Variants in PRKG2 observed in about 807,000 individuals in gnomAD.
The protein encoded by PRKG2 is cGMP-dependent protein kinase 2.
In PRKG2, 33 loss-of-function variants were observed where a neutral mutation model predicts 97.2. The ratio of observed to expected loss-of-function variants is 0.34; its 90% CI spans 0.26 to 0.45. PRKG2 has a LOEUF of 0.45. Ranked by LOEUF, PRKG2 falls within the 20% of genes least tolerant of loss-of-function variation. The probability of loss-of-function intolerance (pLI) is 1.00; values close to 1 mark genes in which losing one functional copy is unlikely to be tolerated. For synonymous variants in PRKG2, 330 were observed against 321.8 expected, an observed-to-expected ratio of 1.03 and a Z score of -0.27; for missense variants, 638 against 900.0, an observed-to-expected ratio of 0.71 and a Z score of 3.73.
chr4:81,178,208 T>C (rs989027875), intron 2 of PRKG2, among the ~76,000 whole-genome samples: 4 of 151,718 alleles, frequency 2.6e-5, no homozygotes, highest in African/African-American at 7.3e-5. Flanking sequence ...AACAAAACCC[T>C]ATTTTGGTTA....
At chr4:81,172,388 T>G (rs1476078462) in intron 3 of PRKG2, among the ~76,000 whole-genome samples, 1 of 152,150 alleles carries the variant, frequency 6.6e-6, no homozygotes, top group Non-Finnish European at 1.5e-5. Context: ...TGCCTGGCTG[T>G]GTCCTGATTC....
intron 14 of PRKG2, among the ~76,000 whole-genome samples, chr4:81,132,681 G>A (rs1746296376): frequency 6.6e-6 from 1 of 152,118 alleles, no homozygotes; most frequent in African/African-American, 2.4e-5. Context: ...CTTATCAAGA[G>A]GGTAGTCCAA....
intron 6 of PRKG2, among the ~76,000 whole-genome samples, chr4:81,165,247 G>T (rs1311826664): frequency 6.6e-6 from 1 of 152,060 alleles, no homozygotes; most frequent in East Asian, 1.9e-4. Flanking sequence ...AGGGCCATTT[G>T]TTCTAGGAGT....
intron 6 of PRKG2, chr4:81,154,049 G>A (rs1157114931): frequency 5.9e-6 from 1 of 169,860 alleles, no homozygotes; most frequent in Admixed American, 6.1e-5. Flanking sequence ...CGAATATCGC[G>A]CTTTTGGGAC....
chr4:81,135,146 T>A lies in PRKG2; in HGVS notation c.1776+9A>T, dbSNP rs766724124. 61 of 1,598,020 alleles carry A rather than the reference T, an allele frequency of 3.8e-5. No individual in the cohort carries two copies. Among genetic ancestry groups the A allele is most frequent in the Non-Finnish European group, 4.8e-5 (56 of 1,171,574 alleles). ...CATATGAGACTGTAAGTGAGAAAAG[T>A]TGTCTTACCAATTTAAGGTAACCCT... On this transcript the variant is annotated intron_variant, in intron 14 of 18. Transcript: ENST00000264399.
At chr4:81,210,877 CA>C in intron 1 of PRKG2, among the ~76,000 whole-genome samples, 1 of 152,124 alleles carries the variant, frequency 6.6e-6, no homozygotes, top group South Asian at 2.1e-4. Context: ...ATAATAAAAG[CA>C]ATATCAGCCA....
At chr4:81,095,128 G>A (rs1741991579) in intron 17 of PRKG2, among the ~76,000 whole-genome samples, 1 of 152,098 alleles carries the variant, frequency 6.6e-6, no homozygotes, top group African/African-American at 2.4e-5. Context: ...GTGCTTGACT[G>A]GATTTCCTAT....
intron 3 of PRKG2, chr4:81,173,657 C>T (rs1750676901): frequency 1.3e-5 from 2 of 151,830 alleles, no homozygotes; most frequent in Non-Finnish European, 2.9e-5. Context: ...ATATATACGG[C>T]AAATAATAAT....
rs998393763 is a variant in PRKG2 at position 81,095,350 on chromosome 4, C to T, written c.2127-2898G>A. On this transcript the variant is annotated intron_variant, in intron 17 of 18. Coordinates refer to ENST00000264399, the MANE Select transcript of PRKG2 (RefSeq NM_006259.3). The stretch of plus-strand genomic sequence containing the variant: ...CCACAGAAGTCCTCTCTTTGTTCTA[C>T]CCATTGCTTTTTTGCATAGACTGAG... Among the ~76,000 whole-genome samples, 3 of 152,142 alleles carry T rather than the reference C, an allele frequency of 2.0e-5. 1 individual carries two copies. The South Asian group carries it at 6.2e-4, about 32-fold the overall frequency.
chr4:81,206,756 C>T (rs1047187712), intron 1 of PRKG2, among the ~76,000 whole-genome samples: 2 of 152,160 alleles, frequency 1.3e-5, no homozygotes, highest in Non-Finnish European at 2.9e-5. Context: ...TTCACTAGTT[C>T]TACCAGAATA....
intron 2 of PRKG2, among the ~76,000 whole-genome samples, chr4:81,190,949 A>T (rs1752430977): frequency 6.6e-6 from 1 of 152,174 alleles, no homozygotes; most frequent in South Asian, 2.1e-4. Context: ...GCTGGAGAGG[A>T]TGTGGAGAAA....
intron 2 of PRKG2, among the ~76,000 whole-genome samples, chr4:81,200,146 G>T (rs971185964): frequency 3.3e-5 from 5 of 152,158 alleles, no homozygotes; most frequent in African/African-American, 9.7e-5. Flanking sequence ...CTTAATCTCA[G>T]TAAAAGGTCT....
intron 16 of PRKG2, 86 bp downstream of exon 16, chr4:81,105,727 T>C (rs765944402): frequency 3.3e-6 from 5 of 1,521,052 alleles, no homozygotes; most frequent in African/African-American, 1.4e-5. Flanking sequence ...AAAGTAAATA[T>C]GCACCTAATT....
intron 1 of PRKG2, among the ~76,000 whole-genome samples, chr4:81,206,930 T>C (rs575542976): frequency 2.0e-5 from 3 of 152,320 alleles, no homozygotes; most frequent in Non-Finnish European, 2.9e-5. Flanking sequence ...TTATTTCTCA[T>C]AGAATTCAGG....
intron 1 of PRKG2, among the ~76,000 whole-genome samples, chr4:81,211,235 T>C (rs1342997545): frequency 6.6e-6 from 1 of 152,182 alleles, no homozygotes; most frequent in Non-Finnish European, 1.5e-5. Flanking sequence ...TTGTAACACA[T>C]GTACCATACT....
chr4:81,157,923 C>T (rs1308387268), intron 6 of PRKG2, among the ~76,000 whole-genome samples: 8 of 147,338 alleles, frequency 5.4e-5, no homozygotes, highest in East Asian at 1.9e-4. Context: ...ATTGATGGGA[C>T]GTATCTCAAA....
At chr4:81,201,858 A>G (rs971352511) in intron 2 of PRKG2, among the ~76,000 whole-genome samples, 4 of 152,194 alleles carry the variant, frequency 2.6e-5, no homozygotes, top group African/African-American at 9.6e-5. Context: ...AAAAAACTGA[A>G]GAGACATTCA....
chr4:81,115,207 G>A (rs1744394571), intron 14 of PRKG2, among the ~76,000 whole-genome samples: 1 of 152,100 alleles, frequency 6.6e-6, no homozygotes, highest in Non-Finnish European at 1.5e-5. Context: ...CAAAGGGATT[G>A]TATGATATTG....
intron 14 of PRKG2, among the ~76,000 whole-genome samples, chr4:81,111,724 C>A (rs1196651686): frequency 6.6e-6 from 1 of 152,128 alleles, no homozygotes; most frequent in Non-Finnish European, 1.5e-5. Flanking sequence ...AAAGCTGGAG[C>A]TACAGAAGGG....
Sources: gnomAD v4.1 joint callset for allele counts (sites outside exome capture counted in the v4.1 genomes callset) on GRCh38, gnomAD v4.1.1 for gene constraint, MANE v1.5 for transcripts, NCBI Gene and HGNC (gene_info 2026-07-23, HGNC 2026-07-21) for gene names.